Variants in ROBO2 observed in about 807,000 individuals in gnomAD.
The protein encoded by ROBO2 is roundabout homolog 2.
In ROBO2, 53 loss-of-function variants were observed where a neutral mutation model predicts 160.8. The observed-to-expected ratio is 0.33, with a 90% CI of 0.26 to 0.41. The LOEUF (loss-of-function observed/expected upper bound fraction) is 0.41, where lower values mean the gene tolerates loss of function less well. ROBO2 is among the 10% of genes least tolerant of loss of function. The pLI is 1.00. For synonymous variants in ROBO2, 664 were observed against 611.7 expected (o/e 1.09, Z -1.26); for missense variants, 1,577 against 1,722.4 (o/e 0.92, Z 1.49).
At chr3:76,429,796 G>C (rs1363392783) in intron 2 of ROBO2, among the ~76,000 whole-genome samples, 1 of 152,272 alleles carries the variant, frequency 6.6e-6, no homozygotes, top group Middle Eastern at 3.4e-3. Flanking sequence ...CAGGGCTCTG[G>C]TCTTTTGCCA....
At chr3:76,470,815 A>G (rs1388031497) in intron 2 of ROBO2, among the ~76,000 whole-genome samples, 1 of 152,108 alleles carries the variant, frequency 6.6e-6, no homozygotes, top group Non-Finnish European at 1.5e-5. Flanking sequence ...TTCACGTAAC[A>G]TACATCAATG....
chr3:77,487,029 G>A (rs2085450395), intron 4 of ROBO2, among the ~76,000 whole-genome samples: 1 of 152,170 alleles, frequency 6.6e-6, no homozygotes, highest in Non-Finnish European at 1.5e-5. Flanking sequence ...TTTTGGGGAA[G>A]ATGAGGACAG....
intron 2 of ROBO2, among the ~76,000 whole-genome samples, chr3:77,232,869 T>C (rs1448073790): frequency 2.6e-5 from 4 of 152,194 alleles, no homozygotes; most frequent in African/African-American, 4.8e-5. Flanking sequence ...AAAGTGTCTG[T>C]AGATTTTGGT....
At chr3:76,626,260 A>T (rs1181116496) in intron 2 of ROBO2, among the ~76,000 whole-genome samples, 1 of 152,186 alleles carries the variant, frequency 6.6e-6, no homozygotes, top group East Asian at 1.9e-4. Flanking sequence ...CACTATGTGA[A>T]GGTGTAAGCA....
Position 76,704,315 on chromosome 3 carries a change from T to A in ROBO2, c.110-393699T>A, listed in dbSNP as rs182095998. Among the ~76,000 whole-genome samples the A allele has an allele frequency of 9.8e-5, 15 of 152,304 alleles. No individual in the cohort carries two copies. In the East Asian group the frequency reaches 2.9e-3, roughly 29 times the overall value. On this transcript the variant is annotated intron_variant, in intron 2 of 26. Coordinates refer to the ROBO2 transcript ENST00000487694. Reference sequence around the variant, plus strand: ...CTTTCAAAACTCCATCTTTGTTTAATTTGAATTTCACTTCCAATATCATCA... The same window carrying A: ...CTTTCAAAACTCCATCTTTGTTTAAATTGAATTTCACTTCCAATATCATCA...
chr3:76,181,513 T>C (rs17140454), intron 2 of ROBO2, among the ~76,000 whole-genome samples: 148,497 of 152,170 alleles, frequency 0.98, 72,559 homozygotes, highest in East Asian at 1. Context: ...GCAAGCAGCC[T>C]TACAATGTGA....
Position 76,032,871 on chromosome 3 carries a change from G to A in ROBO2, c.109+95269G>A, listed in dbSNP as rs188260679. On this transcript the variant is annotated intron_variant, in intron 2 of 26. Transcript: ENST00000487694. ...AAACAGACCATAAAGTTTTCAAAAAGCAATATTCATATCACACACATTGAA... is the reference window on the plus strand; with the variant it reads ...AAACAGACCATAAAGTTTTCAAAAAACAATATTCATATCACACACATTGAA... Among the ~76,000 whole-genome samples, 467 of 152,180 alleles carry A rather than the reference G, an allele frequency of 3.1e-3. 13 individuals carry two copies. In the Middle Eastern group the frequency reaches 0.048, roughly 16 times the overall value.
chr3:77,580,860 A>G (rs2153676753), intron 16 of ROBO2, among the ~76,000 whole-genome samples: 1 of 152,256 alleles, frequency 6.6e-6, no homozygotes, highest in South Asian at 2.1e-4. Flanking sequence ...AGAAATACCT[A>G]GGGTCTAATG....
chr3:76,499,979 T>TA (rs1342231794), intron 2 of ROBO2, among the ~76,000 whole-genome samples: 1 of 152,052 alleles, frequency 6.6e-6, no homozygotes, highest in African/African-American at 2.4e-5. Context: ...TTTATTTACA[T>TA]AAAGACCTGG....
At chr3:76,825,117 T>C (rs981557527) in intron 2 of ROBO2, among the ~76,000 whole-genome samples, 7 of 152,096 alleles carry the variant, frequency 4.6e-5, no homozygotes, top group Non-Finnish European at 8.8e-5. Context: ...CACCAGAACG[T>C]GTAAAAGAAT....
At chr3:76,691,902 C>T (rs752217222) in intron 2 of ROBO2, among the ~76,000 whole-genome samples, 8 of 152,086 alleles carry the variant, frequency 5.3e-5, no homozygotes, top group Non-Finnish European at 8.8e-5. Flanking sequence ...CGAACAATCA[C>T]GAGTGGAGAA....
At chr3:76,049,202 A>G (rs960323884) in intron 2 of ROBO2, among the ~76,000 whole-genome samples, 1 of 151,254 alleles carries the variant, frequency 6.6e-6, no homozygotes, top group Non-Finnish European at 1.5e-5. Context: ...TCTCACATTT[A>G]TCACAAGCAT....
chr3:77,615,176 G>GT (rs918091948), intron 21 of ROBO2, among the ~76,000 whole-genome samples: 5 of 151,422 alleles, frequency 3.3e-5, no homozygotes, highest in East Asian at 1.9e-4. Flanking sequence ...TAAATTAAGA[G>GT]TTTTTTTTTA....
chr3:76,097,781 C>G (rs992528611), intron 2 of ROBO2, among the ~76,000 whole-genome samples: 2 of 152,034 alleles, frequency 1.3e-5, no homozygotes, highest in Non-Finnish European at 2.9e-5. Context: ...GTTTTGCTTC[C>G]CCACTTTTTC....
chr3:76,301,033 T>C (rs1302437269), intron 2 of ROBO2, among the ~76,000 whole-genome samples: 1 of 152,084 alleles, frequency 6.6e-6, no homozygotes, highest in African/African-American at 2.4e-5. Context: ...TTAGTTCAGC[T>C]TGAATTAGGA....
At chr3:76,346,115 T>G (rs1160068285) in intron 2 of ROBO2, among the ~76,000 whole-genome samples, 1 of 152,126 alleles carries the variant, frequency 6.6e-6, no homozygotes, top group East Asian at 1.9e-4. Flanking sequence ...TTCTGGAAGC[T>G]TCCCTCTTGG....
At chr3:76,149,311 A>G (rs1011370713) in intron 2 of ROBO2, among the ~76,000 whole-genome samples, 1 of 152,074 alleles carries the variant, frequency 6.6e-6, no homozygotes, top group Non-Finnish European at 1.5e-5. Flanking sequence ...TAAGCCCCAA[A>G]CTTAGAACAC....
chr3:76,693,059 G>A (rs1247598915), intron 2 of ROBO2, among the ~76,000 whole-genome samples: 2 of 147,456 alleles, frequency 1.4e-5, no homozygotes, highest in East Asian at 2.0e-4. Context: ...TATATATATA[G>A]TGTGTATCTA....
chr3:76,258,373 G>C (rs574461850), intron 2 of ROBO2, among the ~76,000 whole-genome samples: 52 of 151,966 alleles, frequency 3.4e-4, no homozygotes, highest in African/African-American at 1.1e-3. Context: ...CTGTTTTAAA[G>C]AAATTTCAGT....
Sources: allele counts gnomAD v4.1 joint callset (sites outside exome capture counted in the v4.1 genomes callset), GRCh38; gene constraint gnomAD v4.1.1; transcripts MANE v1.5; gene names NCBI Gene and HGNC (gene_info 2026-07-23, HGNC 2026-07-21).